The following RIMS2 variants were observed in gnomAD, a reference collection of about 807,000 sequenced individuals.
The protein encoded by RIMS2 is regulating synaptic membrane exocytosis protein 2.
A neutral mutation model predicts 174.4 loss-of-function variants in RIMS2; 59 were observed. That is an observed-to-expected ratio of 0.34 (90% CI 0.27 to 0.42). The LOEUF (loss-of-function observed/expected upper bound fraction) is 0.42, where lower values mean the gene tolerates loss of function less well. Among genes scored for constraint, RIMS2 ranks in the 10% least tolerant of loss-of-function variants. RIMS2 has a pLI of 1.00. For synonymous variants in RIMS2, 606 were observed against 572.5 expected, an observed-to-expected ratio of 1.06 and a Z score of -0.84; for missense variants, 1,620 against 1,666.3, an observed-to-expected ratio of 0.97 and a Z score of 0.48.
intron 2 of RIMS2, among the ~76,000 whole-genome samples, chr8:103,712,657 T>C (rs1300950006): frequency 1.3e-5 from 2 of 152,168 alleles, no homozygotes; most frequent in East Asian, 3.8e-4. Flanking sequence ...TACAACAGTT[T>C]AAGATATAAA....
At chr8:103,926,146 A>G (rs1285071067) in intron 10 of RIMS2, among the ~76,000 whole-genome samples, 1 of 151,542 alleles carries the variant, frequency 6.6e-6, no homozygotes, top group Non-Finnish European at 1.5e-5. Flanking sequence ...ATTTTATGAC[A>G]TAATATTTAC....
chr8:104,050,579 G>A (rs1449119132), intron 19 of RIMS2, among the ~76,000 whole-genome samples: 1 of 152,164 alleles, frequency 6.6e-6, no homozygotes, highest in East Asian at 1.9e-4. Flanking sequence ...GATAAACTAA[G>A]GGAATTAAAG....
chr8:103,789,444 G>C (rs540298375), intron 3 of RIMS2, among the ~76,000 whole-genome samples: 3 of 152,176 alleles, frequency 2.0e-5, no homozygotes, highest in South Asian at 2.1e-4. Context: ...TTTCCCTTTT[G>C]ATTAGTTTAA....
intron 19 of RIMS2, among the ~76,000 whole-genome samples, chr8:104,035,457 A>G (rs1293061327): frequency 6.6e-6 from 1 of 151,336 alleles, no homozygotes; most frequent in African/African-American, 2.4e-5. Flanking sequence ...TCTAACATGT[A>G]CATTTCCATA....
At chr8:104,080,998 G>T (rs189867784) in intron 19 of RIMS2, among the ~76,000 whole-genome samples, 1 of 151,934 alleles carries the variant, frequency 6.6e-6, no homozygotes, top group Admixed American at 6.6e-5. Flanking sequence ...GTCCATAATC[G>T]TAGTTATTTT....
chr8:103,738,225 C>T (rs2097712604), intron 2 of RIMS2, among the ~76,000 whole-genome samples: 1 of 152,076 alleles, frequency 6.6e-6, no homozygotes, highest in East Asian at 1.9e-4. Context: ...ATGAGATCAT[C>T]ATTTTATTAA....
chr8:103,938,691 T>C (rs554114190), intron 13 of RIMS2, among the ~76,000 whole-genome samples: 1 of 152,284 alleles, frequency 6.6e-6, no homozygotes, highest in Non-Finnish European at 1.5e-5. Context: ...CAAAGTCTCA[T>C]CTGAGACAAG....
chr8:103,863,077 T>C (rs1375044312), intron 3 of RIMS2, among the ~76,000 whole-genome samples: 1 of 152,186 alleles, frequency 6.6e-6, no homozygotes, highest in Non-Finnish European at 1.5e-5. Flanking sequence ...CTTTTCCCCA[T>C]TCACTATGAT....
intron 15 of RIMS2, among the ~76,000 whole-genome samples, chr8:103,969,324 C>A (rs1200600434): frequency 6.6e-6 from 1 of 152,014 alleles, no homozygotes; most frequent in African/African-American, 2.4e-5. Context: ...ATTCTCATTA[C>A]AAATATGTTA....
intron 19 of RIMS2, among the ~76,000 whole-genome samples, chr8:104,058,008 G>A (rs1012021404): frequency 1.3e-5 from 2 of 152,078 alleles, no homozygotes; most frequent in African/African-American, 2.4e-5. Context: ...TTGCTATTGT[G>A]AATGGTGCCG....
chr8:103,788,520 A>G (rs2098465320), intron 3 of RIMS2, among the ~76,000 whole-genome samples: 1 of 150,312 alleles, frequency 6.7e-6, no homozygotes, highest in African/African-American at 2.4e-5. Flanking sequence ...GTCTGTTGGA[A>G]TACCCTGCTG....
At chr8:103,629,461 A>G (rs983100465) in intron 1 of RIMS2, among the ~76,000 whole-genome samples, 1 of 152,220 alleles carries the variant, frequency 6.6e-6, no homozygotes, top group Non-Finnish European at 1.5e-5. Flanking sequence ...AAAGGCTTTG[A>G]GAACTAAACT....
chr8:103,976,548 C>CTTTTTTTTTTTTTTTTTTTT, intron 16 of RIMS2: 1 of 124,568 alleles, frequency 8.0e-6, no homozygotes, highest in Non-Finnish European at 1.7e-5. Context: ...TTTTCTTTTT[C>CTTTTTTTTTTTTTTTTTTTT]TTTTTTTTTT....
intron 17 of RIMS2, chr8:103,998,053 C>T: frequency 1.6e-6 from 1 of 619,008 alleles, no homozygotes; most frequent in Non-Finnish European, 2.8e-6. Flanking sequence ...GCAAGCTTTC[C>T]AATAACAGTT....
rs751753809 is a variant in RIMS2, at chr8:103,964,967, T to C, written c.2770+3834T>C. Among the ~76,000 whole-genome samples, 6 of 152,302 alleles carry C rather than the reference T, an allele frequency of 3.9e-5. No homozygotes were observed. The East Asian group carries it at 7.7e-4, about 20-fold the overall frequency. ...TGTTGCCAGAGATCAGTTCAATATA[T>C]GTATATCAGTTTATTTCTAGGCTGT... On this transcript the variant is annotated intron_variant, in intron 15 of 23. Coordinates refer to ENST00000504942, the Ensembl canonical transcript of RIMS2.
intron 1 of RIMS2, among the ~76,000 whole-genome samples, chr8:103,609,633 G>A (rs752580120): frequency 6.6e-6 from 1 of 152,094 alleles, no homozygotes; most frequent in Non-Finnish European, 1.5e-5. Context: ...GCTTGTTTTT[G>A]TCAGCTTTGT....
At chr8:103,787,656 G>A (rs1225955959) in intron 3 of RIMS2, among the ~76,000 whole-genome samples, 4 of 152,010 alleles carry the variant, frequency 2.6e-5, no homozygotes, top group Admixed American at 1.3e-4. Flanking sequence ...TAGTCTGATG[G>A]GCTTCCCTTT....
At chr8:104,070,949 G>A (rs2097185654) in intron 19 of RIMS2, among the ~76,000 whole-genome samples, 1 of 152,050 alleles carries the variant, frequency 6.6e-6, no homozygotes. Flanking sequence ...GCAAGTAAGT[G>A]TAAGATCCCA....
chr8:103,619,175 A>G (rs1216570752), intron 1 of RIMS2, among the ~76,000 whole-genome samples: 1 of 152,034 alleles, frequency 6.6e-6, no homozygotes, highest in Non-Finnish European at 1.5e-5. Flanking sequence ...GAGAACCAAA[A>G]CCAAGAGATA....
Sources: allele counts gnomAD v4.1 joint callset (sites outside exome capture counted in the v4.1 genomes callset), GRCh38; gene constraint gnomAD v4.1.1; transcripts MANE v1.5; gene names NCBI Gene and HGNC (gene_info 2026-07-23, HGNC 2026-07-21).